The following MACROD2 variants were observed in gnomAD, a reference collection of about 807,000 sequenced individuals.
MACROD2 encodes ADP-ribose glycohydrolase MACROD2.
Under a neutral mutation model 70.4 loss-of-function variants are expected in MACROD2, and 36 were observed. The observed-to-expected ratio is 0.51, with a 90% confidence interval of 0.39 to 0.68. The LOEUF (loss-of-function observed/expected upper bound fraction) is 0.68, where lower values mean the gene tolerates loss of function less well. MACROD2 is among the 30% of genes least tolerant of loss of function. MACROD2 has a pLI of 0.00. For missense variants in MACROD2, 496 were observed against 538.4 expected (o/e 0.92, Z 0.78); for synonymous variants, 172 against 178.8 (o/e 0.96, Z 0.30).
At chr20:14,107,282 T>C (rs2054381775) in intron 3 of MACROD2, among the ~76,000 whole-genome samples, 1 of 152,200 alleles carries the variant, frequency 6.6e-6, no homozygotes, top group African/African-American at 2.4e-5. Context: ...CTCTTCTTAA[T>C]AGCAGAATTG....
chr20:15,055,094 C>T (rs184582646), intron 5 of MACROD2, among the ~76,000 whole-genome samples: 87 of 152,086 alleles, frequency 5.7e-4, no homozygotes, highest in Middle Eastern at 3.4e-3. Context: ...GGATTACAGG[C>T]GCCTTCCACC....
chr20:15,352,877 T>C (rs2146227181), intron 6 of MACROD2, among the ~76,000 whole-genome samples: 1 of 151,912 alleles, frequency 6.6e-6, no homozygotes, highest in South Asian at 2.1e-4. Flanking sequence ...GGAAGAACAT[T>C]CCATGCTCAT....
At chr20:15,086,829 C>A (rs575190204) in intron 5 of MACROD2, among the ~76,000 whole-genome samples, 1 of 151,968 alleles carries the variant, frequency 6.6e-6, no homozygotes, top group Non-Finnish European at 1.5e-5. Context: ...GTTCAAGATC[C>A]CCCGCTTACT....
intron 2 of MACROD2, among the ~76,000 whole-genome samples, chr20:14,042,655 ATG>A (rs2053409024): frequency 6.6e-6 from 1 of 152,124 alleles, no homozygotes; most frequent in Admixed American, 6.5e-5. Context: ...ACGTGCCATC[ATG>A]TCCAGTTAAT....
At chr20:14,672,554 A>G (rs1200698887) in intron 4 of MACROD2, among the ~76,000 whole-genome samples, 1 of 152,180 alleles carries the variant, frequency 6.6e-6, no homozygotes, top group Non-Finnish European at 1.5e-5. Flanking sequence ...AATTGCTGCA[A>G]CCTTTATGAA....
chr20:14,981,051 T>C (rs970555458), intron 5 of MACROD2, among the ~76,000 whole-genome samples: 23 of 151,186 alleles, frequency 1.5e-4, no homozygotes, highest in East Asian at 7.8e-4. Context: ...TGTGTGTGTG[T>C]GCATGTGTGT....
intron 8 of MACROD2, among the ~76,000 whole-genome samples, chr20:15,655,003 C>T (rs1287949342): frequency 6.6e-6 from 1 of 152,186 alleles, no homozygotes. Flanking sequence ...TCTCCACGGA[C>T]TGCACTAAGT....
chr20:14,112,616 A>G (rs562312200), intron 3 of MACROD2, among the ~76,000 whole-genome samples: 2 of 152,044 alleles, frequency 1.3e-5, no homozygotes, highest in South Asian at 2.1e-4. Context: ...ATTTCTAAAT[A>G]TTATTTTTTA....
intron 8 of MACROD2, among the ~76,000 whole-genome samples, chr20:15,764,325 A>G (rs906458539): frequency 6.6e-6 from 1 of 152,198 alleles, no homozygotes; most frequent in African/African-American, 2.4e-5. Flanking sequence ...TTACTTGACC[A>G]TTAGAAAGAA....
intron 6 of MACROD2, among the ~76,000 whole-genome samples, chr20:15,299,669 A>G (rs926064802): frequency 4.6e-5 from 7 of 152,226 alleles, no homozygotes; most frequent in Non-Finnish European, 8.8e-5. Flanking sequence ...ATACTGTCCT[A>G]ATCCAGTCAT....
intron 3 of MACROD2, among the ~76,000 whole-genome samples, chr20:14,439,381 T>C (rs75093555): frequency 0.034 from 5,203 of 152,280 alleles, 290 homozygotes; most frequent in African/African-American, 0.12. Flanking sequence ...TCATAGTATT[T>C]TGTGGTTCCC....
intron 7 of MACROD2, among the ~76,000 whole-genome samples, chr20:15,471,409 T>C (rs2046962915): frequency 6.6e-6 from 1 of 152,234 alleles, no homozygotes. Flanking sequence ...GCATTTGATA[T>C]GATTGCATAT....
At chr20:14,100,010 TG>T (rs1173964210) in intron 3 of MACROD2, among the ~76,000 whole-genome samples, 1 of 151,984 alleles carries the variant, frequency 6.6e-6, no homozygotes, top group Non-Finnish European at 1.5e-5. Flanking sequence ...GATAAGAAGA[TG>T]GGGTTGTTTT....
At position 15,704,661 on chromosome 20, in the gene MACROD2, G is replaced by T. The variant is rs116270667; in HGVS notation, c.646-158084G>T. On this transcript the variant is annotated intron_variant, in intron 8 of 17. Transcript: ENST00000684519. ...TAACAAGCTCCCAGGTGATGCTGAG[G>T]CTCCTGGTCCATGGAACAACTTTTG... 7.7e-3 allele frequency among the ~76,000 whole-genome samples: 1,171 copies of T among 152,286 alleles called. 10 individuals carry two copies. Among genetic ancestry groups the T allele is most frequent in the African/African-American group, 0.027 (1,125 of 41,546 alleles).
chr20:14,526,833 G>A (rs1175796607), intron 4 of MACROD2, among the ~76,000 whole-genome samples: 3 of 151,990 alleles, frequency 2.0e-5, no homozygotes, highest in Non-Finnish European at 2.9e-5. Context: ...GTGGGCTGAA[G>A]CCCCAGTGGG....
intron 7 of MACROD2, 56 bp from the exon 8 acceptor site, chr20:15,499,718 C>T (rs142370072): frequency 3.2e-5 from 49 of 1,520,428 alleles, no homozygotes; most frequent in South Asian, 6.8e-5. Flanking sequence ...CGTGATTAGC[C>T]TCCCTTTTGC....
At chr20:15,842,457 C>A (rs1346485037) in intron 8 of MACROD2, among the ~76,000 whole-genome samples, 2 of 123,524 alleles carry the variant, frequency 1.6e-5, no homozygotes, top group Non-Finnish European at 3.2e-5. Flanking sequence ...ACCTTTCATC[C>A]TTTTTTTCAT....
chr20:15,806,224 C>G (rs1253895733), intron 8 of MACROD2, among the ~76,000 whole-genome samples: 1 of 152,166 alleles, frequency 6.6e-6, no homozygotes, highest in Non-Finnish European at 1.5e-5. Context: ...AATGAGTGAG[C>G]AGAGCCACAT....
intron 8 of MACROD2, among the ~76,000 whole-genome samples, chr20:15,795,882 G>A (rs6131712): frequency 0.46 from 69,999 of 151,986 alleles, 16,693 homozygotes; most frequent in African/African-American, 0.59. Context: ...CCTGTCCACA[G>A]AAGGCTGGAC....
Sources: gnomAD v4.1 joint callset for allele counts (sites outside exome capture counted in the v4.1 genomes callset) on GRCh38, gnomAD v4.1.1 for gene constraint, MANE v1.5 for transcripts, NCBI Gene and HGNC (gene_info 2026-07-23, HGNC 2026-07-21) for gene names.